LRRC53: variants seen among roughly 807,000 people sequenced by gnomAD.
The protein encoded by LRRC53 is leucine-rich repeat-containing protein 53.
A neutral mutation model predicts 13.6 loss-of-function variants in LRRC53; 25 were observed. The observed-to-expected ratio is 1.83, with a 90% CI of 1.34 to 2.56. The LOEUF is 2.56. Among genes scored for constraint, LRRC53 ranks in the 30% most tolerant of loss-of-function variants. The pLI is 0.00. For synonymous variants in LRRC53, 204 were observed against 109.8 expected (o/e 1.86, Z -5.37); for missense variants, 527 against 275.8 (o/e 1.91, Z -6.45).
the LRRC53 span, among the ~76,000 whole-genome samples, chr1:74,531,938 C>T: frequency 2.6e-5 from 4 of 152,132 alleles, no homozygotes; most frequent in Non-Finnish European, 4.4e-5. Flanking sequence ...ATTAAAAATC[C>T]AAATGGCTAA....
chr1:74,480,029 T>A lies in LRRC53; in HGVS notation c.904+124A>T, dbSNP rs199716832. On this transcript the variant is annotated intron_variant, in intron 3 of 4. Coordinates refer to ENST00000294635, the MANE Select transcript of LRRC53 (RefSeq NM_001382280.1). ...AAATCAGCTAATATCCTCCCACATC[T>A]ACTGGCAACCTCTCCTTTCCATAGC... 18 of 609,020 alleles carry A rather than the reference T, an allele frequency of 3.0e-5. No individual in the cohort carries two copies. In the East Asian group the frequency reaches 3.8e-4, roughly 13 times the overall value. The allele number at this position is 609,020 out of a possible 1,614,324, so 37.7% of individuals were successfully genotyped here.
At chr1:74,476,860 G>C (rs190312305) in intron 3 of LRRC53, among the ~76,000 whole-genome samples, 142 of 152,142 alleles carry the variant, frequency 9.3e-4, no homozygotes, top group African/African-American at 3.3e-3. Flanking sequence ...GAAAAGGGAG[G>C]GTATCAGGTC....
chr1:74,531,346 A>G, the LRRC53 span, among the ~76,000 whole-genome samples: 2 of 152,238 alleles, frequency 1.3e-5, no homozygotes, highest in Non-Finnish European at 2.9e-5. Context: ...ATTGAACTTA[A>G]CTGATAAATT....
At chr1:74,526,708 A>G in the LRRC53 span, among the ~76,000 whole-genome samples, 1 of 152,196 alleles carries the variant, frequency 6.6e-6, no homozygotes, top group Non-Finnish European at 1.5e-5. Flanking sequence ...AGGAGAAGCT[A>G]TGAAAATCTA....
rs1158837 is a variant in LRRC53, at chr1:74,475,516, C to A, written c.1199G>T (p.Arg400Ile). 7.0e-6 allele frequency: 5 copies of A among 716,896 alleles called. No homozygotes were observed. Among genetic ancestry groups the A allele is most frequent in the South Asian group, 1.5e-5 (1 of 67,564 alleles). 44.4% of individuals were successfully genotyped at this position (716,896 alleles called of 1,614,324 possible). A position where few individuals can be genotyped will look rare whatever the true frequency, so the allele number is the denominator to read the frequency against. The change falls in exon 4 of 5, where the codon AGA becomes ATA. Residue 400 changes from arginine (R) to isoleucine (I), a missense_variant. By Grantham distance (97) the Arg-to-Ile change is moderately conservative. Coordinates refer to ENST00000294635, the MANE Select transcript of LRRC53 (RefSeq NM_001382280.1). ...CCCACGGTCTTTCTTTTTCAGGTTT[C>A]TAAATGATCCGTCAAGGGTTGCAGA... ...SESATLDGSF[R>I]NLKKKDRGVG... is the part of the protein sequence containing the mutation.
chr1:74,478,260 G>A (rs1668303335), intron 3 of LRRC53, among the ~76,000 whole-genome samples: 1 of 152,074 alleles, frequency 6.6e-6, no homozygotes, highest in Non-Finnish European at 1.5e-5. Flanking sequence ...ACAATTATTT[G>A]ATGAAAGATA....
At chr1:74,505,933 GAT>G (rs753731469) in intron 1 of LRRC53, among the ~76,000 whole-genome samples, 12 of 152,108 alleles carry the variant, frequency 7.9e-5, no homozygotes, top group Non-Finnish European at 1.8e-4. Flanking sequence ...TTTACTAGTG[GAT>G]ATATGTTTGC....
At chr1:74,501,378 A>G (rs149145018) in intron 1 of LRRC53, among the ~76,000 whole-genome samples, 1 of 152,278 alleles carries the variant, frequency 6.6e-6, no homozygotes, top group African/African-American at 2.4e-5. Context: ...CCTGCTCCAT[A>G]CTTTTCTTCT....
the LRRC53 span, among the ~76,000 whole-genome samples, chr1:74,518,325 C>T: frequency 1.6e-4 from 25 of 152,244 alleles, no homozygotes; most frequent in African/African-American, 6.0e-4. Context: ...TTTTCATCTC[C>T]TATTTCCACA....
At position 74,506,703 on chromosome 1, in the gene LRRC53, G is replaced by A. The variant is rs115069066; in HGVS notation, c.-27+5823C>T. ...GCATTTTAACAAGATTTTAACAGGC[G>A]ACTTGCAAATATACAGTAACCAATC... On this transcript the variant is annotated intron_variant, in intron 1 of 4. Coordinates refer to ENST00000294635, the MANE Select transcript of LRRC53 (RefSeq NM_001382280.1). Among the ~76,000 whole-genome samples the A allele has an allele frequency of 4.7e-3, 713 of 152,252 alleles. 7 individuals carry two copies. The highest frequency in any genetic ancestry group is 0.016 in the African/African-American group (680 of 41,540).
chr1:74,501,317 A>G (rs1669612922), intron 1 of LRRC53, among the ~76,000 whole-genome samples: 1 of 152,214 alleles, frequency 6.6e-6, no homozygotes, highest in Admixed American at 6.5e-5. Flanking sequence ...CCAGTTCTAG[A>G]AGTTGCATGT....
the LRRC53 span, among the ~76,000 whole-genome samples, chr1:74,519,441 C>T: frequency 1.6e-5 from 2 of 128,948 alleles, no homozygotes; most frequent in African/African-American, 7.5e-5. Context: ...AGTTCTAGAT[C>T]CCTGAGGAAT....
chr1:74,477,275 CT>C, intron 3 of LRRC53, among the ~76,000 whole-genome samples: 1 of 152,234 alleles, frequency 6.6e-6, no homozygotes, highest in Non-Finnish European at 1.5e-5. Context: ...TCTAATTCCT[CT>C]AACACTTATT....
chr1:74,529,853 A>G, the LRRC53 span, among the ~76,000 whole-genome samples: 3 of 152,116 alleles, frequency 2.0e-5, no homozygotes, highest in African/African-American at 7.2e-5. Context: ...CTCTCCCTGG[A>G]TGACCCCACC....
intron 1 of LRRC53, among the ~76,000 whole-genome samples, chr1:74,499,107 C>T (rs745432012): frequency 3.3e-5 from 5 of 152,268 alleles, no homozygotes; most frequent in Middle Eastern, 3.4e-3. Flanking sequence ...AATGCAGGTG[C>T]GTGCACACTG....
intron 4 of LRRC53, among the ~76,000 whole-genome samples, chr1:74,474,407 C>G (rs1668088991): frequency 6.6e-6 from 1 of 152,096 alleles, no homozygotes; most frequent in African/African-American, 2.4e-5. Flanking sequence ...AACTCACATC[C>G]TACCTTATAA....
the LRRC53 span, among the ~76,000 whole-genome samples, chr1:74,522,980 TGA>T: frequency 6.6e-6 from 1 of 152,204 alleles, no homozygotes; most frequent in Non-Finnish European, 1.5e-5. Context: ...AAATTACTAA[TGA>T]GAGGGGAAAC....
At chr1:74,536,356 G>A in the LRRC53 span, among the ~76,000 whole-genome samples, 1 of 152,072 alleles carries the variant, frequency 6.6e-6, no homozygotes, top group African/African-American at 2.4e-5. Context: ...TACATATTGT[G>A]GATTTGAGTG....
intron 1 of LRRC53, among the ~76,000 whole-genome samples, chr1:74,493,602 A>T (rs879241142): frequency 6.6e-6 from 1 of 152,224 alleles, no homozygotes; most frequent in East Asian, 1.9e-4. Context: ...TCAGGGATAT[A>T]CAATCATAAT....
Sources: gnomAD v4.1 joint callset for allele counts (sites outside exome capture counted in the v4.1 genomes callset) on GRCh38, gnomAD v4.1.1 for gene constraint, MANE v1.5 for transcripts, NCBI Gene and HGNC (gene_info 2026-07-23, HGNC 2026-07-21) for gene names.